The following PAOX variants were observed in gnomAD, a reference collection of about 807,000 sequenced individuals.
PAOX encodes polyamine oxidase.
In PAOX, 38 loss-of-function variants were observed where a neutral mutation model predicts 39.0. The observed-to-expected ratio is 0.97, with a 90% CI of 0.75 to 1.28. The LOEUF (loss-of-function observed/expected upper bound fraction) is 1.28. Ranked by LOEUF, PAOX falls within the 50% of genes most tolerant of loss-of-function variation. The probability of loss-of-function intolerance (pLI) is 0.00; values close to 1 mark genes in which losing one functional copy is unlikely to be tolerated. For synonymous variants in PAOX, 311 were observed against 314.4 expected (o/e 0.99, Z 0.11); for missense variants, 667 against 685.7 (o/e 0.97, Z 0.30).
chr10:133,382,473 G>A (rs7907603), intron 3 of PAOX, among the ~76,000 whole-genome samples: 130,950 of 152,140 alleles, frequency 0.86, 57,878 homozygotes, highest in East Asian at 0.97. Flanking sequence ...AGATGCAGTC[G>A]TCGTCCACAC....
Position 133,384,342 on chromosome 10 carries a change from G to C in PAOX, c.1121+130G>C. The C allele has an allele frequency of 5.0e-6, 7 of 1,389,208 alleles. No individual in the cohort carries two copies. The highest frequency in any genetic ancestry group is 1.4e-5 in the South Asian group (1 of 71,736). The allele number at this position is 1,389,208 out of a possible 1,614,324, so 86.1% of individuals were successfully genotyped here. A position where few individuals can be genotyped will look rare whatever the true frequency, so the allele number is the denominator to read the frequency against. ...TTTAATGGGTAGGGTTCCCATGAGC[G>C]CCCCCCCACCAGGTGCTGGCTGCAC... On this transcript the variant is annotated intron_variant, in intron 4 of 6. Coordinates refer to ENST00000278060, the MANE Select transcript of PAOX (RefSeq NM_152911.4). This position sits in a 1 kb window ranked among gnomAD's most constrained non-coding sequence, Gnocchi z 4.3.
chr10:133,389,667 A>G lies in PAOX; in HGVS notation c.1312A>G (p.Ser438Gly). ...CGCCCCGTACACTAGGGGGTCCTAC[A>G]GCTACGTGGCCGTGGGCAGTACTGG... ...HSAPYTRGSY[S>G]YVAVGSTGGD... Residue 438 changes from serine to glycine, a missense_variant, in exon 6 of 7, where the codon AGC becomes GGC. Physicochemically the swap from Ser to Gly is moderately conservative, Grantham distance 56 (BLOSUM62 0). Coordinates refer to ENST00000278060, the MANE Select transcript of PAOX (RefSeq NM_152911.4). 2 of 1,612,756 alleles carry G rather than the reference A, an allele frequency of 1.2e-6. No homozygotes were observed. Among genetic ancestry groups the G allele is most frequent in the Non-Finnish European group, 1.7e-6 (2 of 1,179,552 alleles).
At chr10:133,383,939 G>A in intron 3 of PAOX, 21 bp from the exon 4 acceptor site, 2 of 1,604,882 alleles carry the variant, frequency 1.2e-6, no homozygotes, top group Non-Finnish European at 1.7e-6. Context: ...GATGTAAGAA[G>A]AGTCCAATTC....
chr10:133,382,266 G>A (rs144168051), intron 3 of PAOX, among the ~76,000 whole-genome samples: 1 of 152,256 alleles, frequency 6.6e-6, no homozygotes, highest in Non-Finnish European at 1.5e-5. Context: ...GAACATCTAG[G>A]CAAGTAGAGA....
rs1194631081 is a variant in PAOX, at chr10:133,380,285, G to A, written c.468G>A (p.Gly156=). Residue 156 remains glycine, a synonymous_variant, in exon 2 of 7, where the codon GGG becomes GGA. Transcript: ENST00000278060. The stretch of plus-strand genomic sequence containing the variant: ...CAGAGACCCCGGTGCCCAGCGTCGG[G>A]GAGTACCTCAAGAAGGAGATTGGCC... ...HAAETPVPSV[G]EYLKKEIGQH... 1.2e-6 allele frequency: 2 copies of A among 1,612,934 alleles called. No individual in the cohort carries two copies. Among genetic ancestry groups the A allele is most frequent in the Non-Finnish European group, 8.5e-7 (1 of 1,180,036 alleles).
At chr10:133,385,729 A>G (rs1589896592) in intron 4 of PAOX, among the ~76,000 whole-genome samples, 2 of 151,822 alleles carry the variant, frequency 1.3e-5, no homozygotes, top group Non-Finnish European at 1.5e-5. Flanking sequence ...AACTACAGGC[A>G]CCCACCACCA....
At chr10:133,383,423 C>G (rs1215743810) in intron 3 of PAOX, among the ~76,000 whole-genome samples, 2 of 151,330 alleles carry the variant, frequency 1.3e-5, no homozygotes, top group Non-Finnish European at 2.9e-5. Flanking sequence ...ACCAACATGG[C>G]AAGACCCCAT....
rs1293940377 is a variant in PAOX at position 133,385,633 on chromosome 10, G to A, written c.1121+1421G>A. ...GAGTCTCGCTCTGTCCCCCAGACTG[G>A]AGTGCAGTGGTGCAATCTTGGCTCA... On this transcript the variant is annotated intron_variant, in intron 4 of 6. Transcript: ENST00000278060. 3.3e-5 allele frequency among the ~76,000 whole-genome samples: 5 copies of A among 152,220 alleles called. No homozygotes were observed. In the East Asian group the frequency reaches 9.7e-4, roughly 29 times the overall value.
chr10:133,389,866 A>G, intron 6 of PAOX, 119 bp downstream of exon 6: 4 of 1,151,544 alleles, frequency 3.5e-6, no homozygotes, highest in Non-Finnish European at 4.6e-6. Flanking sequence ...CTCGGAAGCC[A>G]TTTTCTTTTT....
At position 133,382,177 on chromosome 10, in the gene PAOX, G is replaced by A. The variant is rs924367818; in HGVS notation, c.868+518G>A. 2.6e-5 allele frequency among the ~76,000 whole-genome samples: 4 copies of A among 152,196 alleles called. 1 individual carries two copies. Among genetic ancestry groups the A allele is most frequent in the Non-Finnish European group, 5.9e-5 (4 of 68,034 alleles). On this transcript the variant is annotated intron_variant, in intron 3 of 6. Coordinates refer to ENST00000278060, the MANE Select transcript of PAOX (RefSeq NM_152911.4). ...TGCTTCCCACGGGTTTCACGCTGCCGTGGGTCTCTGCCTGAGTTATCTCAT... is the reference window on the plus strand; with the variant it reads ...TGCTTCCCACGGGTTTCACGCTGCCATGGGTCTCTGCCTGAGTTATCTCAT...
In PAOX at chr10:133,380,017, G is replaced by A. The variant is rs139326234; in HGVS notation, c.200G>A (p.Gly67Asp). 5 of 1,514,870 alleles carry A rather than the reference G, an allele frequency of 3.3e-6. No individual in the cohort carries two copies. The African/African-American group carries it at 7.0e-5, about 21-fold the overall frequency. 93.8% of individuals were successfully genotyped at this position (1,514,870 alleles called of 1,614,324 possible). Reference protein sequence around the residue: ...ERCFGGVVEVGAHWIHGPSRG... With the variant: ...ERCFGGVVEVDAHWIHGPSRG... ...CTCGCAGGTGGCGTGGTGGAGGTGGGCGCGCACTGGATCCATGGGCCCTCC... is the reference window on the plus strand; with the variant it reads ...CTCGCAGGTGGCGTGGTGGAGGTGGACGCGCACTGGATCCATGGGCCCTCC... The change falls in exon 2 of 7, where the codon GGC (glycine) becomes GAC (aspartate). Residue 67 changes from glycine to aspartate, a missense_variant. Gly to Asp is a moderately conservative substitution (Grantham distance 94). Transcript: ENST00000278060.
In PAOX at chr10:133,384,175, C is replaced by T. The variant is rs763052916; in HGVS notation, c.1084C>T (p.Arg362Trp). 7.4e-6 allele frequency: 12 copies of T among 1,613,978 alleles called. No individual in the cohort carries two copies. The highest frequency in any genetic ancestry group is 3.3e-5 in the Admixed American group (2 of 60,002). ...CCCTGAGCTACAGGACGCCTGGTTC[C>T]GGAAGCTCATTGGCTTTGTGGTCCT... is the stretch of plus-strand genomic sequence containing the variant. ...AAPELQDAWF[R>W]KLIGFVVLPA... The change falls in exon 4 of 7, where the codon CGG becomes TGG. Residue 362 changes from arginine to tryptophan, a missense_variant. Physicochemically the swap from Arg to Trp is moderately radical, Grantham distance 101. Coordinates refer to ENST00000278060, the MANE Select transcript of PAOX (RefSeq NM_152911.4). The surrounding 1 kb of genome is among the most constrained non-coding windows in gnomAD (Gnocchi z 4.3).
At chr10:133,383,922 T>C in intron 3 of PAOX, 38 bp from the exon 4 acceptor site, 1 of 1,589,768 alleles carries the variant, frequency 6.3e-7, no homozygotes, top group Non-Finnish European at 8.6e-7. Context: ...CGTGGAGGGC[T>C]TTATGTGATG....
chr10:133,381,061 G>T (rs1849355712), intron 2 of PAOX, among the ~76,000 whole-genome samples: 1 of 152,244 alleles, frequency 6.6e-6, no homozygotes, highest in Admixed American at 6.5e-5. Context: ...GGCCAGACAG[G>T]CCCTCTCCCT....
intron 5 of PAOX, among the ~76,000 whole-genome samples, 193 bp from the exon 6 acceptor site, chr10:133,389,397 G>GC (rs1297332633): frequency 6.6e-6 from 1 of 152,044 alleles, no homozygotes; most frequent in African/African-American, 2.4e-5. Flanking sequence ...CGGGTCAGAG[G>GC]CCCCCGGGTC....
intron 6 of PAOX, 36 bp downstream of exon 6, chr10:133,389,783 C>G: frequency 7.0e-7 from 1 of 1,427,728 alleles, no homozygotes; most frequent in South Asian, 1.5e-5. Flanking sequence ...GCGTGGGTCC[C>G]GCTGCAGAGG....
chr10:133,387,021 G>A (rs1849548028), intron 4 of PAOX, among the ~76,000 whole-genome samples: 2 of 152,164 alleles, frequency 1.3e-5, no homozygotes, highest in South Asian at 4.1e-4. Flanking sequence ...GCTCATGCCG[G>A]TAATTCCAGC....
rs532847480 is a variant in PAOX at position 133,379,552 on chromosome 10, G to A, written c.181+55G>A. On this transcript the variant is annotated intron_variant, in intron 1 of 6. Coordinates refer to ENST00000278060, the MANE Select transcript of PAOX (RefSeq NM_152911.4). ...AACCCAACCGGCTGCGCCCGAACTC[G>A]CCGGCCCCAACCTGCCCTGCGCGCA... The A allele has an allele frequency of 1.6e-3, 1,960 of 1,210,720 alleles. 26 individuals are homozygous for A. In the African/African-American group the frequency reaches 0.028, roughly 17 times the overall value. The allele number at this position is 1,210,720 out of a possible 1,614,324, so 75.0% of individuals were successfully genotyped here.
chr10:133,385,044 C>T (rs1849494963), intron 4 of PAOX, among the ~76,000 whole-genome samples: 2 of 152,130 alleles, frequency 1.3e-5, no homozygotes. Context: ...GTCTGTAATC[C>T]CTGCACTTTG....
Sources: gnomAD v4.1 joint callset for allele counts (sites outside exome capture counted in the v4.1 genomes callset) on GRCh38, gnomAD v4.1.1 for gene constraint, Gnocchi (gnomAD v3.1) non-coding constraint, MANE v1.5 for transcripts, NCBI Gene and HGNC (gene_info 2026-07-23, HGNC 2026-07-21) for gene names.